The following PLEKHG1 variants were observed in gnomAD, a reference collection of about 807,000 sequenced individuals.
PLEKHG1 encodes the protein pleckstrin homology domain-containing family G member 1.
PLEKHG1 carries 44 observed loss-of-function variants against 100.8 expected under a neutral mutation model. That is an observed-to-expected ratio of 0.44 (90% confidence interval 0.34 to 0.56). The LOEUF (loss-of-function observed/expected upper bound fraction) is 0.56, where lower values mean the gene tolerates loss of function less well. Among genes scored for constraint, PLEKHG1 ranks in the 20% least tolerant of loss-of-function variants. The pLI is 0.01. For synonymous variants in PLEKHG1, 640 were observed against 662.5 expected (o/e 0.97, Z 0.52); for missense variants, 1,545 against 1,720.9 (o/e 0.90, Z 1.81).
chr6:150,820,576 C>G (rs1045149105), intron 12 of PLEKHG1, among the ~76,000 whole-genome samples: 1 of 151,946 alleles, frequency 6.6e-6, no homozygotes, highest in Admixed American at 6.6e-5. Context: ...ACAAAAAATG[C>G]AAATAAGGCC....
At chr6:150,818,145 A>G in intron 10 of PLEKHG1, 38 bp from the exon 12 acceptor site, 1 of 1,559,608 alleles carries the variant, frequency 6.4e-7, no homozygotes, top group African/African-American at 1.4e-5. Context: ...AAGAAAAAAA[A>G]AGCAATTGGA....
At chr6:150,677,283 T>TACGCGCACACACACAC (rs756621195) in intron 3 of PLEKHG1, among the ~76,000 whole-genome samples, 5 of 134,138 alleles carry the variant, frequency 3.7e-5, no homozygotes, top group African/African-American at 1.3e-4. Flanking sequence ...TTTCTTCCCC[T>TACGCGCACACACACAC]ATACACACAC....
chr6:150,634,784 G>A (rs1019224038), intron 1 of PLEKHG1, among the ~76,000 whole-genome samples: 8 of 152,196 alleles, frequency 5.3e-5, no homozygotes, highest in East Asian at 3.8e-4. Context: ...CAGAACAAAT[G>A]CTTGGAGATA....
In PLEKHG1 at chr6:150,685,530, G is replaced by A. The variant is rs189380739; in HGVS notation, c.-99+34744G>A. On this transcript the variant is annotated intron_variant, in intron 3 of 3. Coordinates refer to the PLEKHG1 transcript ENST00000367326. ...TCTGAGATGGTGCTGCAGGAATCCC[G>A]CCCTGAGATTGGGGTGTGGAGAGAA... Among the ~76,000 whole-genome samples the A allele has an allele frequency of 1.1e-3, 172 of 152,258 alleles. 2 individuals carry two copies. The highest frequency in any genetic ancestry group is 1.1e-3 in the Non-Finnish European group (72 of 68,002).
chr6:150,818,057 T>G, intron 10 of PLEKHG1, 126 bp from the exon 12 acceptor site: 1 of 783,722 alleles, frequency 1.3e-6, no homozygotes, highest in South Asian at 1.6e-5. Context: ...ATGCTTAACA[T>G]AAATAGCGAG....
At chr6:150,723,759 TCA>T (rs1043366658) in intron 1 of PLEKHG1, among the ~76,000 whole-genome samples, 4 of 152,190 alleles carry the variant, frequency 2.6e-5, no homozygotes, top group African/African-American at 9.7e-5. Flanking sequence ...GCTTAACCAA[TCA>T]CACTGGAACC....
chr6:150,688,829 A>G (rs1780240306), intron 3 of PLEKHG1, among the ~76,000 whole-genome samples: 1 of 152,138 alleles, frequency 6.6e-6, no homozygotes, highest in South Asian at 2.1e-4. Flanking sequence ...AAAGTGTACA[A>G]TTCAATGGTT....
chr6:150,634,166 C>A, intron 1 of PLEKHG1, among the ~76,000 whole-genome samples: 1 of 150,808 alleles, frequency 6.6e-6, no homozygotes, highest in African/African-American at 2.5e-5. Context: ...ATCACTTGAA[C>A]CCAGGAGGCA....
chr6:150,842,492 G>A (rs1253313684), exon 16 of PLEKHG1: 5 of 152,022 alleles, frequency 3.3e-5, no homozygotes, highest in Non-Finnish European at 7.4e-5. Context: ...TTACAAATAG[G>A]TACCTAAGGC....
intron 15 of PLEKHG1, among the ~76,000 whole-genome samples, chr6:150,838,450 T>C (rs181795850): frequency 6.6e-6 from 1 of 152,366 alleles, no homozygotes; most frequent in Admixed American, 6.5e-5. Flanking sequence ...ACTGTTAGTG[T>C]ATTTTATGTG....
chr6:150,768,542 T>A (rs1784554536), intron 2 of PLEKHG1, 96 bp from the exon 4 acceptor site: 1 of 704,016 alleles, frequency 1.4e-6, no homozygotes, highest in Non-Finnish European at 2.5e-6. Flanking sequence ...AGTAAAATAA[T>A]TACTTGAAAC....
intron 4 of PLEKHG1, among the ~76,000 whole-genome samples, chr6:150,793,749 C>T (rs932703580): frequency 6.6e-6 from 1 of 152,114 alleles, no homozygotes; most frequent in African/African-American, 2.4e-5. Flanking sequence ...CTGAGCAAGT[C>T]TCTACTAAAC....
chr6:150,832,015 C>T (rs1776968288), exon 15 of PLEKHG1: 1 of 1,613,742 alleles, frequency 6.2e-7, no homozygotes, highest in Admixed American at 1.7e-5. Flanking sequence ...GGATGGAGGC[C>T]ACAGATAAGA....
chr6:150,756,479 A>G (rs1257359001), intron 2 of PLEKHG1, among the ~76,000 whole-genome samples: 4 of 152,172 alleles, frequency 2.6e-5, no homozygotes, highest in Non-Finnish European at 5.9e-5. Flanking sequence ...CAGATTACCT[A>G]ATGTCGCCAG....
At chr6:150,698,364 G>A (rs752245897) in intron 3 of PLEKHG1, among the ~76,000 whole-genome samples, 14 of 152,120 alleles carry the variant, frequency 9.2e-5, no homozygotes, top group African/African-American at 2.7e-4. Flanking sequence ...ACGCTCAAGC[G>A]GTACCTCAGG....
At chr6:150,832,329 G>T (rs935594399) in intron 15 of PLEKHG1, 124 bp downstream of exon 16, 9 of 757,672 alleles carry the variant, frequency 1.2e-5, no homozygotes, top group Middle Eastern at 3.8e-4. Flanking sequence ...TCATCTCAAA[G>T]TAAGACCACA....
intron 1 of PLEKHG1, among the ~76,000 whole-genome samples, chr6:150,616,260 A>G (rs887441776): frequency 6.6e-6 from 1 of 152,190 alleles, no homozygotes; most frequent in Non-Finnish European, 1.5e-5. Flanking sequence ...CTCTTATCTT[A>G]TTGCCCTGAG....
upstream of PLEKHG1, among the ~76,000 whole-genome samples, chr6:150,718,834 C>T (rs1474764917): frequency 6.6e-6 from 1 of 151,358 alleles, no homozygotes; most frequent in Non-Finnish European, 1.5e-5. Flanking sequence ...GCCTCATGCG[C>T]TATCCATTGG....
intron 10 of PLEKHG1, among the ~76,000 whole-genome samples, chr6:150,815,411 T>A (rs1444566617): frequency 2.0e-5 from 3 of 152,248 alleles, no homozygotes; most frequent in Non-Finnish European, 4.4e-5. Flanking sequence ...CCAGGGAACT[T>A]CTTGGAAATA....
Sources: allele counts gnomAD v4.1 joint callset (sites outside exome capture counted in the v4.1 genomes callset), GRCh38; gene constraint gnomAD v4.1.1; transcripts MANE v1.5; gene names NCBI Gene and HGNC (gene_info 2026-07-23, HGNC 2026-07-21).